Variants in ARG2 observed in about 807,000 individuals in gnomAD.
ARG2 encodes the protein arginase 2, also known as arginase-2, mitochondrial.
In ARG2, 21 loss-of-function variants were observed where a neutral mutation model predicts 39.4. The observed-to-expected ratio is 0.53, with a 90% CI of 0.38 to 0.77. The LOEUF (loss-of-function observed/expected upper bound fraction) is 0.77. ARG2 is among the 30% of genes least tolerant of loss of function. The pLI is 0.00. For synonymous variants in ARG2, 150 were observed against 156.7 expected, an observed-to-expected ratio of 0.96 and a Z score of 0.32; for missense variants, 378 against 426.2, an observed-to-expected ratio of 0.89 and a Z score of 1.00.
chr14:67,645,548 T>C, intron 3 of ARG2, 95 bp from the exon 4 acceptor site: 3 of 1,416,396 alleles, frequency 2.1e-6, no homozygotes, highest in Non-Finnish European at 2.9e-6. Flanking sequence ...GGCTTTGCAC[T>C]GTGGAGAGAG....
chr14:67,630,880 G>A (rs775645031), intron 2 of ARG2, among the ~76,000 whole-genome samples: 29 of 152,160 alleles, frequency 1.9e-4, no homozygotes, highest in Non-Finnish European at 3.4e-4. Flanking sequence ...ACCGTGCCCC[G>A]CCCATGTAGC....
intron 3 of ARG2, among the ~76,000 whole-genome samples, chr14:67,644,103 A>G (rs1246662380): frequency 3.3e-5 from 5 of 152,158 alleles, no homozygotes; most frequent in Admixed American, 2.6e-4. Flanking sequence ...TCCTGTGGCT[A>G]TCTATATTGC....
chr14:67,636,140 G>A (rs189405554), intron 2 of ARG2, among the ~76,000 whole-genome samples: 60 of 152,186 alleles, frequency 3.9e-4, no homozygotes, highest in African/African-American at 1.4e-3. Flanking sequence ...TGGGTTGCCT[G>A]TGGCTCAGCA....
In ARG2 at chr14:67,648,164, T is replaced by C. The variant is rs1460677359; in HGVS notation, c.840T>C (p.Ala280=). Residue 280 remains alanine (A), a synonymous_variant, in exon 7 of 8, where the codon GCT becomes GCC. Transcript: ENST00000261783. The part of the protein sequence containing the change: ...GLTYREGMYI[A]EEIHNTGLLS... Reference sequence around the variant, plus strand: ...CCTATCGAGAAGGCATGTATATTGCTGAGGAAATACACAATACAGGTATGT... The same window carrying C: ...CCTATCGAGAAGGCATGTATATTGCCGAGGAAATACACAATACAGGTATGT... The C allele has an allele frequency of 1.2e-6, 2 of 1,613,946 alleles. No individual in the cohort carries two copies. The highest frequency in any genetic ancestry group is 4.5e-5 in the East Asian group (2 of 44,874).
chr14:67,621,632 A>C (rs1271361627), intron 2 of ARG2, among the ~76,000 whole-genome samples: 1 of 151,684 alleles, frequency 6.6e-6, no homozygotes, highest in Admixed American at 6.6e-5. Context: ...TTTAGTAGAC[A>C]CGGGGTTTCA....
chr14:67,641,399 T>C (rs952765609), intron 2 of ARG2, among the ~76,000 whole-genome samples: 7 of 152,238 alleles, frequency 4.6e-5, no homozygotes, highest in Non-Finnish European at 1.5e-5. Flanking sequence ...TGGAGCCAGA[T>C]GGCCTAGATT....
intron 2 of ARG2, among the ~76,000 whole-genome samples, chr14:67,622,279 A>G (rs1367828721): frequency 6.6e-6 from 1 of 152,158 alleles, no homozygotes; most frequent in African/African-American, 2.4e-5. Context: ...ATCTAAGTTA[A>G]CTCCCCACTG....
In ARG2 at chr14:67,650,947, C is replaced by T. The variant is rs1268794524; in HGVS notation, c.*27C>T. On this transcript the variant is annotated 3_prime_UTR_variant, in exon 8 of 8. Transcript: ENST00000261783. ...AGACACTGTGCACTGACATGTTTCA[C>T]AACAGGCATTCCAGAATTATGAGGC... 2.5e-6 allele frequency: 4 copies of T among 1,603,082 alleles called. No homozygotes were observed. The highest frequency in any genetic ancestry group is 2.2e-5 in the South Asian group (2 of 90,668).
At position 67,645,943 on chromosome 14, in the gene ARG2, G is replaced by C. The variant is rs924723286; in HGVS notation, c.522+141G>C. The C allele has an allele frequency of 3.1e-6, 3 of 980,656 alleles. No homozygotes were observed. In the Admixed American group the frequency reaches 7.9e-5, roughly 26 times the overall value. 60.7% of individuals were successfully genotyped at this position (980,656 alleles called of 1,614,324 possible). A position where few individuals can be genotyped will look rare whatever the true frequency, so the allele number is the denominator to read the frequency against. On this transcript the variant is annotated intron_variant, in intron 4 of 7. Coordinates refer to ENST00000261783, the MANE Select transcript of ARG2 (RefSeq NM_001172.4). ...ATTTGTTCATCACTATTATGGACCA[G>C]GCAGTCTGCCAGATGCTAGGGGTAT...
rs1594832114 is a variant in ARG2, at chr14:67,650,727, C to T, written c.872C>T (p.Ala291Val). The T allele has an allele frequency of 3.1e-6, 5 of 1,613,914 alleles. No individual in the cohort carries two copies. The Admixed American group carries it at 6.7e-5, about 22-fold the overall frequency. The change falls in exon 8 of 8, where the codon GCA (alanine) becomes GTA (valine). Residue 291 changes from alanine (A) to valine (V), a missense_variant. Physicochemically the swap from Ala to Val is moderately conservative, Grantham distance 64 (BLOSUM62 0). Coordinates refer to ENST00000261783, the MANE Select transcript of ARG2 (RefSeq NM_001172.4). ...EEIHNTGLLSALDLVEVNPQL... is the reference protein window; with the variant it reads ...EEIHNTGLLSVLDLVEVNPQL... ...TTTGTTCTTCCAGGGTTGCTATCAG[C>T]ACTGGATCTTGTTGAAGTCAATCCT...
At chr14:67,636,675 C>T (rs777677370) in intron 2 of ARG2, among the ~76,000 whole-genome samples, 16 of 152,190 alleles carry the variant, frequency 1.1e-4, no homozygotes, top group Non-Finnish European at 2.2e-4. Context: ...AGAGGTTTAT[C>T]AAGGCCAAAG....
intron 7 of ARG2, 146 bp downstream of exon 7, chr14:67,648,329 T>G: frequency 8.2e-6 from 7 of 851,162 alleles, no homozygotes; most frequent in Non-Finnish European, 1.2e-5. Context: ...TATATGGCCA[T>G]GCTAATAAAA....
Position 67,650,846 on chromosome 14 carries a change from C to T in ARG2, c.991C>T (p.His331Tyr). 1 of 1,614,108 alleles carries T rather than the reference C, an allele frequency of 6.2e-7. No individual in the cohort carries two copies. The highest frequency in any genetic ancestry group is 8.5e-7 in the Non-Finnish European group (1 of 1,179,994). ...SSFGQTREGG[H>Y]IVYDQLPTPS... ...CTTTGGTCAGACAAGAGAAGGAGGG[C>T]ATATTGTCTATGACCAACTTCCTAC... is the stretch of plus-strand genomic sequence containing the variant. Residue 331 changes from histidine to tyrosine, a missense_variant, in exon 8 of 8, where the codon CAT becomes TAT. Transcript: ENST00000261783.
Position 67,647,037 on chromosome 14 carries a change from T to C in ARG2, c.722+12T>C, listed in dbSNP as rs1248375610. The C allele has an allele frequency of 1.3e-6, 2 of 1,564,570 alleles. No individual in the cohort carries two copies. Among genetic ancestry groups the C allele is most frequent in the South Asian group, 1.1e-5 (1 of 90,054 alleles). On this transcript the variant is annotated intron_variant, in intron 6 of 7. Transcript: ENST00000261783. ...CTGCTGATTGGCAAGTAAGTAACTATAACTGATGTCAGGGCAAACCCCCAA... is the reference window on the plus strand; with the variant it reads ...CTGCTGATTGGCAAGTAAGTAACTACAACTGATGTCAGGGCAAACCCCCAA...
rs536714618 is a variant in ARG2, at chr14:67,627,778, TAA to T, written c.184+6813_184+6814del. Among the ~76,000 whole-genome samples the T allele has an allele frequency of 1.5e-3, 229 of 152,302 alleles. 2 individuals are homozygous for T. Among genetic ancestry groups the T allele is most frequent in the African/African-American group, 5.2e-3 (217 of 41,566 alleles). On this transcript the variant is annotated intron_variant, in intron 2 of 7. Transcript: ENST00000261783. ...AGCAAGACCCCATCTCTACATTTTTTAAGAGTCTATTTCCACAGCAAGGAAGA... is the reference window on the plus strand; with the variant it reads ...AGCAAGACCCCATCTCTACATTTTTTGAGTCTATTTCCACAGCAAGGAAGA...
At chr14:67,646,776 C>T (rs1447274015) in intron 5 of ARG2, 38 bp downstream of exon 5, 1 of 1,546,896 alleles carries the variant, frequency 6.5e-7, no homozygotes, top group Non-Finnish European at 8.9e-7. Flanking sequence ...AGGGCCTGTC[C>T]TAGCCAATTA....
chr14:67,620,835 A>G (rs1006943359), intron 1 of ARG2, 59 bp from the exon 2 acceptor site: 34 of 1,580,114 alleles, frequency 2.2e-5, no homozygotes, highest in Non-Finnish European at 2.9e-5. Flanking sequence ...AAATGTACCA[A>G]ATGGGTTTTT....
At chr14:67,647,225 T>C (rs1276866843) in intron 6 of ARG2, 200 bp downstream of exon 6, 8 of 488,838 alleles carry the variant, frequency 1.6e-5, no homozygotes, top group African/African-American at 7.9e-5. Flanking sequence ...CTCTAAATCA[T>C]TGCCTAGATC....
intron 2 of ARG2, among the ~76,000 whole-genome samples, chr14:67,636,662 T>C (rs2036974899): frequency 6.6e-6 from 1 of 152,212 alleles, no homozygotes; most frequent in African/African-American, 2.4e-5. Flanking sequence ...TGATAGAGCC[T>C]GGAGAGGTTT....
Sources: gnomAD v4.1 joint callset for allele counts (sites outside exome capture counted in the v4.1 genomes callset) on GRCh38, gnomAD v4.1.1 for gene constraint, MANE v1.5 for transcripts, NCBI Gene and HGNC (gene_info 2026-07-23, HGNC 2026-07-21) for gene names.